The following ARMH3 variants were observed in gnomAD, a reference collection of about 807,000 sequenced individuals.
ARMH3 encodes armadillo-like helical domain-containing protein 3.
In ARMH3, 60 loss-of-function variants were observed where a neutral mutation model predicts 99.1. That is an observed-to-expected ratio of 0.61 (90% CI 0.49 to 0.75). The LOEUF is 0.75. Ranked by LOEUF, ARMH3 falls within the 30% of genes least tolerant of loss-of-function variation. ARMH3 has a pLI of 0.00. For synonymous variants in ARMH3, 285 were observed against 292.8 expected, an observed-to-expected ratio of 0.97 and a Z score of 0.27; for missense variants, 679 against 843.1, an observed-to-expected ratio of 0.81 and a Z score of 2.41.
chr10:101,876,298 A>G (rs1250029780), intron 24 of ARMH3, among the ~76,000 whole-genome samples: 1 of 150,514 alleles, frequency 6.6e-6, no homozygotes, highest in African/African-American at 2.4e-5. Context: ...TGTTGCATGC[A>G]GGGCACTCTC....
intron 24 of ARMH3, among the ~76,000 whole-genome samples, chr10:101,856,506 T>C (rs1231221309): frequency 6.6e-6 from 1 of 152,020 alleles, no homozygotes. Context: ...AAAGAGACTG[T>C]CATCATTCTG....
chr10:101,898,946 A>C (rs922926918), intron 23 of ARMH3, among the ~76,000 whole-genome samples: 1 of 152,232 alleles, frequency 6.6e-6, no homozygotes, highest in African/African-American at 2.4e-5. Context: ...TGTTATCACC[A>C]CTAAAAAGCC....
intron 19 of ARMH3, among the ~76,000 whole-genome samples, chr10:101,987,089 A>G (rs779450724): frequency 2.6e-5 from 4 of 152,116 alleles, no homozygotes; most frequent in Non-Finnish European, 5.9e-5. Flanking sequence ...CAGATAATAT[A>G]CCTGTAACTT....
chr10:101,990,859 T>A (rs1846758267), intron 18 of ARMH3, among the ~76,000 whole-genome samples: 1 of 152,186 alleles, frequency 6.6e-6, no homozygotes, highest in African/African-American at 2.4e-5. Flanking sequence ...GACCTGCCAA[T>A]AAATTCAGAT....
chr10:101,888,471 A>G (rs938372798), intron 24 of ARMH3, among the ~76,000 whole-genome samples: 2 of 152,242 alleles, frequency 1.3e-5, no homozygotes, highest in African/African-American at 4.8e-5. Flanking sequence ...AAGCTTGTCT[A>G]TTAGGAAAAA....
chr10:101,995,417 A>G, intron 15 of ARMH3, 62 bp from the exon 16 acceptor site: 8 of 1,364,602 alleles, frequency 5.9e-6, no homozygotes, highest in Non-Finnish European at 7.3e-6. Flanking sequence ...CTGTTTCAAT[A>G]CAGAACAAGG....
At chr10:101,973,359 C>CAAAAAA (rs56712768) in intron 20 of ARMH3, among the ~76,000 whole-genome samples, 32 of 80,098 alleles carry the variant, frequency 4.0e-4, no homozygotes, top group South Asian at 7.8e-4. Context: ...GACTCCGTCT[C>CAAAAAA]AAAAAAAAAA....
At chr10:101,891,586 T>C (rs182973356) in intron 23 of ARMH3, among the ~76,000 whole-genome samples, 1 of 152,240 alleles carries the variant, frequency 6.6e-6, no homozygotes, top group Admixed American at 6.5e-5. Flanking sequence ...TAAATGCATA[T>C]CCTGGAATGG....
chr10:101,857,523 G>T (rs2135294255), intron 24 of ARMH3, among the ~76,000 whole-genome samples: 1 of 152,308 alleles, frequency 6.6e-6, no homozygotes, highest in East Asian at 1.9e-4. Context: ...GGAGAGGAAG[G>T]TCCAAGCAGC....
intron 4 of ARMH3, among the ~76,000 whole-genome samples, chr10:102,032,028 G>T (rs550588618): frequency 6.6e-6 from 1 of 152,092 alleles, no homozygotes; most frequent in African/African-American, 2.4e-5. Context: ...ATGAGCCACC[G>T]CGCCCAGCCC....
At chr10:102,033,531 G>A (rs976392988) in intron 2 of ARMH3, 192 bp from the exon 3 acceptor site, 30 of 548,062 alleles carry the variant, frequency 5.5e-5, no homozygotes, top group African/African-American at 2.9e-4. Context: ...CCATTCCCCC[G>A]CCTCAGCCTC....
rs1282184763 is a variant in ARMH3, at chr10:101,982,186, A to G, written c.1407-6886T>C. 2.6e-5 allele frequency among the ~76,000 whole-genome samples: 4 copies of G among 151,750 alleles called. No individual in the cohort carries two copies. In the East Asian group the frequency reaches 7.7e-4, roughly 29 times the overall value. On this transcript the variant is annotated intron_variant, in intron 19 of 25. Transcript: ENST00000370033. ...ACCTGAGGTCAGGAGTTTGACACCA[A>G]CCTAGTCAACATGGTGAAATGCCAT...
chr10:102,022,605 G>A (rs1165279293), intron 8 of ARMH3, among the ~76,000 whole-genome samples: 3 of 148,970 alleles, frequency 2.0e-5, no homozygotes, highest in African/African-American at 4.9e-5. Context: ...TTCTGAGATG[G>A]AGTCTCACTC....
In ARMH3 at chr10:102,025,138, CA is replaced by C. The variant is rs750145180; in HGVS notation, c.507+17del. Reference sequence around the variant, plus strand: ...CCCTCCTGTCAATTAATACCCTTGACAAACATAGGTCACTTACGGTCACTAA... The same window carrying C: ...CCCTCCTGTCAATTAATACCCTTGACAACATAGGTCACTTACGGTCACTAA... On this transcript the variant is annotated intron_variant, in intron 6 of 25. Transcript: ENST00000370033. The C allele has an allele frequency of 2.5e-6, 4 of 1,596,680 alleles. No individual in the cohort carries two copies. The highest frequency in any genetic ancestry group is 3.4e-6 in the Non-Finnish European group (4 of 1,164,554).
At chr10:101,858,073 A>T (rs1171261331) in intron 24 of ARMH3, among the ~76,000 whole-genome samples, 1 of 152,250 alleles carries the variant, frequency 6.6e-6, no homozygotes, top group Non-Finnish European at 1.5e-5. Flanking sequence ...ATAAGGGAGA[A>T]GCAAAAGCCA....
chr10:102,010,924 A>G (rs1300228870), intron 11 of ARMH3, among the ~76,000 whole-genome samples: 4 of 152,192 alleles, frequency 2.6e-5, no homozygotes, highest in Admixed American at 6.5e-5. Flanking sequence ...ACAATTCGTA[A>G]GCAGTGGAGG....
intron 24 of ARMH3, among the ~76,000 whole-genome samples, chr10:101,884,037 T>C (rs533009093): frequency 5.4e-5 from 8 of 148,780 alleles, no homozygotes; most frequent in Non-Finnish European, 8.9e-5. Flanking sequence ...AAAAAGAAAA[T>C]TAGGGTGCAG....
At chr10:102,006,409 G>A in intron 14 of ARMH3, 131 bp downstream of exon 14, 3 of 899,246 alleles carry the variant, frequency 3.3e-6, no homozygotes, top group South Asian at 3.3e-5. Context: ...GAGGCCTGAA[G>A]GATAGTACTA....
intron 24 of ARMH3, among the ~76,000 whole-genome samples, chr10:101,888,134 C>T (rs1002589829): frequency 2.0e-5 from 3 of 149,894 alleles, no homozygotes; most frequent in Non-Finnish European, 4.4e-5. Context: ...GTCACCCCTT[C>T]TCTTACTGCA....
Sources: gnomAD v4.1 joint callset for allele counts (sites outside exome capture counted in the v4.1 genomes callset) on GRCh38, gnomAD v4.1.1 for gene constraint, MANE v1.5 for transcripts, NCBI Gene and HGNC (gene_info 2026-07-23, HGNC 2026-07-21) for gene names.